BIVM: variants seen among roughly 807,000 people sequenced by gnomAD.
BIVM encodes basic immunoglobulin-like variable motif-containing protein.
In BIVM, 31 loss-of-function variants were observed where a neutral mutation model predicts 61.4. That is an observed-to-expected ratio of 0.51 (90% CI 0.38 to 0.68). The LOEUF (loss-of-function observed/expected upper bound fraction) is 0.68. Among genes scored for constraint, BIVM ranks in the 30% least tolerant of loss-of-function variants. BIVM has a pLI of 0.00. For missense variants in BIVM, 526 were observed against 596.0 expected (o/e 0.88, Z 1.22); for synonymous variants, 189 against 210.7 (o/e 0.90, Z 0.89).
rs116753895 is a variant in BIVM, at chr13:102,809,010, A to G, written c.478+1265A>G. The stretch of plus-strand genomic sequence containing the variant: ...TAACTAGCTTTTGTTAATTTTCTCA[A>G]TTGTTTGTTTTCTATTTCATTGGTT... On this transcript the variant is annotated intron_variant, in intron 3 of 10. Coordinates refer to ENST00000257336, the MANE Select transcript of BIVM (RefSeq NM_017693.4). 2.6e-3 allele frequency among the ~76,000 whole-genome samples: 395 copies of G among 151,754 alleles called. 1 individual carries two copies. The highest frequency in any genetic ancestry group is 8.7e-3 in the African/African-American group (361 of 41,388).
intron 10 of BIVM, 83 bp downstream of exon 10, chr13:102,838,822 G>A (rs2281886): frequency 0.68 from 871,920 of 1,287,816 alleles, 296,598 homozygotes; most frequent in Middle Eastern, 0.72. Context: ...TAGGTTGCAA[G>A]TAACAGAAAC....
At chr13:102,802,622 T>C (rs1023003053) in intron 1 of BIVM, among the ~76,000 whole-genome samples, 1 of 47,462 alleles carries the variant, frequency 2.1e-5, no homozygotes, top group Non-Finnish European at 3.8e-5. Context: ...CTTATATTGA[T>C]GATCTTCATT....
At chr13:102,817,088 C>T (rs1468154838) in intron 4 of BIVM, among the ~76,000 whole-genome samples, 2 of 152,066 alleles carry the variant, frequency 1.3e-5, no homozygotes, top group Non-Finnish European at 2.9e-5. Flanking sequence ...AGTTGTGAAC[C>T]ACATGTTTGC....
At chr13:102,815,520 G>T (rs1489963209) in intron 3 of BIVM, among the ~76,000 whole-genome samples, 1 of 151,966 alleles carries the variant, frequency 6.6e-6, no homozygotes, top group East Asian at 1.9e-4. Flanking sequence ...AAAATAAAAA[G>T]TATAGGGATG....
At chr13:102,823,035 G>A (rs1880404888) in intron 7 of BIVM, among the ~76,000 whole-genome samples, 1 of 152,196 alleles carries the variant, frequency 6.6e-6, no homozygotes, top group Non-Finnish European at 1.5e-5. Flanking sequence ...CTAAAGGCAG[G>A]TCAAGGGCTG....
At chr13:102,801,722 A>T (rs1450957985) in intron 1 of BIVM, 1 of 152,252 alleles carries the variant, frequency 6.6e-6, no homozygotes, top group East Asian at 1.9e-4. Context: ...GGAAAACCAG[A>T]CTTGCAGGAT....
chr13:102,819,255 A>G (rs1036056070), intron 4 of BIVM, among the ~76,000 whole-genome samples: 2 of 152,344 alleles, frequency 1.3e-5, no homozygotes, highest in East Asian at 3.9e-4. Flanking sequence ...TTCAGTGGGT[A>G]AAGAGTTTCA....
intron 2 of BIVM, among the ~76,000 whole-genome samples, chr13:102,806,112 G>C (rs576089258): frequency 6.6e-6 from 1 of 152,240 alleles, no homozygotes; most frequent in South Asian, 2.1e-4. Flanking sequence ...AATGTATGAG[G>C]GTTATGATTT....
chr13:102,822,103 G>A lies in BIVM; in HGVS notation c.845G>A (p.Gly282Glu). The A allele has an allele frequency of 1.2e-6, 2 of 1,613,966 alleles. No homozygotes were observed. Among genetic ancestry groups the A allele is most frequent in the Non-Finnish European group, 1.7e-6 (2 of 1,179,994 alleles). The stretch of plus-strand genomic sequence containing the variant: ...ATTAATGACCACTTCCATGTAAAAG[G>A]ATGCTCTTATGTTCTATATAAGCCT... ...RQINDHFHVK[G>E]CSYVLYKPHG... The change falls in exon 7 of 11, where the codon GGA becomes GAA. Residue 282 changes from glycine to glutamate, a missense_variant. This residue lies in a region of BIVM where 312 missense variants were observed against 343.8 expected (regional missense o/e 0.91). Transcript: ENST00000257336.
intron 9 of BIVM, among the ~76,000 whole-genome samples, chr13:102,837,000 A>G (rs765521984): frequency 6.6e-5 from 10 of 152,130 alleles, no homozygotes; most frequent in Non-Finnish European, 1.0e-4. Context: ...TAGAATTCAT[A>G]ATTTTGGCTG....
chr13:102,819,075 C>T (rs539523691), intron 4 of BIVM, among the ~76,000 whole-genome samples: 2 of 152,096 alleles, frequency 1.3e-5, no homozygotes, highest in African/African-American at 4.8e-5. Context: ...CAGCAAGGGC[C>T]ATATAGCTTA....
At chr13:102,804,790 C>G (rs1878959707) in intron 1 of BIVM, among the ~76,000 whole-genome samples, 1 of 152,190 alleles carries the variant, frequency 6.6e-6, no homozygotes, top group South Asian at 2.1e-4. Flanking sequence ...AGAGAAAAAG[C>G]ATGCTTTAAA....
chr13:102,817,574 G>C (rs866052272), intron 4 of BIVM, among the ~76,000 whole-genome samples: 1 of 152,130 alleles, frequency 6.6e-6, no homozygotes, highest in South Asian at 2.1e-4. Flanking sequence ...TAATAGCCAG[G>C]TTCCATCAGC....
chr13:102,830,000 G>A (rs113269403), intron 7 of BIVM, among the ~76,000 whole-genome samples: 2 of 151,868 alleles, frequency 1.3e-5, no homozygotes, highest in Admixed American at 6.6e-5. Context: ...ACTAGATCAC[G>A]GGCTGTTCCC....
chr13:102,816,474 G>C lies in BIVM; in HGVS notation c.525G>C (p.Lys175Asn). 2 of 1,592,788 alleles carry C rather than the reference G, an allele frequency of 1.3e-6. No homozygotes were observed. Among genetic ancestry groups the C allele is most frequent in the Non-Finnish European group, 8.5e-7 (1 of 1,172,194 alleles). ...QVSKRKTSDKKGRYQKECPQH... is the reference protein window; with the variant it reads ...QVSKRKTSDKNGRYQKECPQH... ...CCAAGAGAAAAACTTCAGATAAAAA[G>C]GGAAGATATCAGAAGGAATGTCCTC... The change falls in exon 4 of 11, where the codon AAG (lysine) becomes AAC (asparagine). Residue 175 changes from lysine to asparagine, a missense_variant. Transcript: ENST00000257336.
chr13:102,816,308 G>A lies in BIVM; in HGVS notation c.479-120G>A, dbSNP rs920792923. The stretch of plus-strand genomic sequence containing the variant: ...ATTTATTTGTTATTATTTTTTCTTT[G>A]CACTTTCTCAGCAGAATTATTAAGG... On this transcript the variant is annotated intron_variant, in intron 3 of 10. Transcript: ENST00000257336. 1.6e-5 allele frequency: 15 copies of A among 962,352 alleles called. No individual in the cohort carries two copies. The African/African-American group carries it at 2.6e-4, about 17-fold the overall frequency. The allele number at this position is 962,352 out of a possible 1,614,324, so 59.6% of individuals were successfully genotyped here. A position where few individuals can be genotyped will look rare whatever the true frequency, so the allele number is the denominator to read the frequency against.
rs79245727 is a variant in BIVM, at chr13:102,818,607, C to A, written c.605+2053C>A. ...CATATTAATAGTATAACATGTGAGG[C>A]CATGAAGGCTAGGACTAGGAAGGAT... On this transcript the variant is annotated intron_variant, in intron 4 of 10. Transcript: ENST00000257336. Among the ~76,000 whole-genome samples the A allele has an allele frequency of 4.8e-4, 73 of 152,222 alleles. 1 individual carries two copies. In the East Asian group the frequency reaches 0.013, roughly 27 times the overall value.
chr13:102,832,084 C>T (rs1396269014), intron 8 of BIVM, among the ~76,000 whole-genome samples: 2 of 152,264 alleles, frequency 1.3e-5, no homozygotes, highest in African/African-American at 4.8e-5. Context: ...ATTCTTTAAA[C>T]ATTATGACTT....
intron 4 of BIVM, 171 bp downstream of exon 4, chr13:102,816,725 T>A: frequency 1.7e-6 from 1 of 594,652 alleles, no homozygotes; most frequent in Non-Finnish European, 2.4e-6. Context: ...TGAAGTAGAT[T>A]AATAATGAGT....
Sources: gnomAD v4.1 joint callset for allele counts (sites outside exome capture counted in the v4.1 genomes callset) on GRCh38, gnomAD v4.1.1 for gene constraint, gnomAD v4.1.1 regional missense constraint, MANE v1.5 for transcripts, NCBI Gene and HGNC (gene_info 2026-07-23, HGNC 2026-07-21) for gene names.